OTOGL: variants seen among roughly 807,000 people sequenced by gnomAD.
The protein encoded by OTOGL is otogelin like, also known as otogelin-like protein.
A neutral mutation model predicts 318.5 loss-of-function variants in OTOGL; 285 were observed. The observed-to-expected ratio is 0.89, with a 90% CI of 0.81 to 0.99. The LOEUF (loss-of-function observed/expected upper bound fraction) is 0.99. OTOGL is among the 50% of genes least tolerant of loss of function. The pLI is 0.00. For synonymous variants in OTOGL, 987 were observed against 936.5 expected (o/e 1.05, Z -0.99); for missense variants, 2,899 against 2,845.6 (o/e 1.02, Z -0.43).
chr12:80,327,978 AAAAAAAAGAGT>A, intron 35 of OTOGL, among the ~76,000 whole-genome samples: 1 of 125,406 alleles, frequency 8.0e-6, no homozygotes, highest in Non-Finnish European at 1.7e-5. Flanking sequence ...AAAAAAAAAA[AAAAAAAAGAGT>A]GGAAAGCAAC....
chr12:80,108,936 G>GTGTATATATATATATATA (rs1555268621), intron 1 of OTOGL, among the ~76,000 whole-genome samples: 5 of 128,228 alleles, frequency 3.9e-5, no homozygotes, highest in African/African-American at 1.6e-4. Context: ...ATATGTGTGT[G>GTGTATATATATATATATA]TATATATATA....
chr12:80,136,535 C>T (rs1202892434), intron 1 of OTOGL, among the ~76,000 whole-genome samples: 2 of 152,182 alleles, frequency 1.3e-5, no homozygotes, highest in Non-Finnish European at 2.9e-5. Flanking sequence ...TTGTACTACT[C>T]TGTTTCTAGT....
chr12:80,366,476 G>GTA (rs1444753197), intron 52 of OTOGL, 98 bp from the exon 53 acceptor site: 82 of 234,638 alleles, frequency 3.5e-4, no homozygotes, highest in Middle Eastern at 5.7e-4. Context: ...GTGTGTGTGT[G>GTA]TATATATATA....
chr12:80,321,976 C>T (rs551489777), intron 34 of OTOGL, among the ~76,000 whole-genome samples: 180 of 152,298 alleles, frequency 1.2e-3, no homozygotes, highest in Non-Finnish European at 2.1e-3. Context: ...ACCCTGAAAG[C>T]ACTCTGCCCT....
chr12:80,136,580 G>A (rs974709938), intron 1 of OTOGL, among the ~76,000 whole-genome samples: 49 of 152,206 alleles, frequency 3.2e-4, no homozygotes, highest in African/African-American at 1.2e-3. Flanking sequence ...TTCTTTGCTG[G>A]TTTTCAAACC....
intron 16 of OTOGL, 52 bp from the exon 17 acceptor site, chr12:80,256,285 A>G (rs1565933839): frequency 3.2e-6 from 5 of 1,538,566 alleles, no homozygotes; most frequent in East Asian, 4.5e-5. Context: ...GTCTCTTTCT[A>G]TGGCTCTCTC....
At chr12:80,206,330 T>C (rs1876806028) in intron 1 of OTOGL, among the ~76,000 whole-genome samples, 1 of 152,190 alleles carries the variant, frequency 6.6e-6, no homozygotes, top group Non-Finnish European at 1.5e-5. Flanking sequence ...ATAATGTAGT[T>C]AGTTGAAAAA....
In OTOGL at chr12:80,302,826, C is replaced by A; in HGVS notation, c.3213+43C>A. 5 of 1,377,084 alleles carry A rather than the reference C, an allele frequency of 3.6e-6. No homozygotes were observed. In the South Asian group the frequency reaches 5.0e-5, roughly 14 times the overall value. 85.3% of individuals were successfully genotyped at this position (1,377,084 alleles called of 1,614,324 possible). On this transcript the variant is annotated intron_variant, in intron 28 of 58. Coordinates refer to ENST00000547103, the MANE Select transcript of OTOGL (RefSeq NM_001378609.3). ...CCAAATGAGATGTAATGAATAAAAT[C>A]ACATTTAGTTTTTGATGTTTGATGA... is the stretch of plus-strand genomic sequence containing the variant.
At chr12:80,108,523 TC>T (rs1449340187) in intron 1 of OTOGL, among the ~76,000 whole-genome samples, 2 of 151,670 alleles carry the variant, frequency 1.3e-5, no homozygotes, top group African/African-American at 4.8e-5. Flanking sequence ...TACTTTTTTT[TC>T]TCTTTGCAAT....
chr12:80,356,049 G>T, intron 47 of OTOGL, 101 bp downstream of exon 47: 2 of 1,298,586 alleles, frequency 1.5e-6, no homozygotes, highest in Non-Finnish European at 2.1e-6. Context: ...TTTTAAAAAA[G>T]GGCCATAAAT....
chr12:80,101,354 T>C (rs572078588), intron 1 of OTOGL, among the ~76,000 whole-genome samples: 41 of 152,182 alleles, frequency 2.7e-4, no homozygotes, highest in African/African-American at 9.6e-4. Context: ...TTAAATGCTC[T>C]TAATATTTGA....
Position 80,283,283 on chromosome 12 carries a change from A to G in OTOGL, c.2928+4117A>G, listed in dbSNP as rs541746599. ...ACTACAGTGACTTCCAATGGCCTCC[A>G]GTGGCTTCCAATAGCGTCATAAAGT... On this transcript the variant is annotated intron_variant, in intron 26 of 58. Coordinates refer to ENST00000547103, the MANE Select transcript of OTOGL (RefSeq NM_001378609.3). 5.3e-5 allele frequency among the ~76,000 whole-genome samples: 8 copies of G among 152,098 alleles called. No homozygotes were observed. In the South Asian group the frequency reaches 1.7e-3, roughly 32 times the overall value.
chr12:80,108,326 CAATTAT>C (rs1415309859), intron 1 of OTOGL, among the ~76,000 whole-genome samples: 1 of 151,822 alleles, frequency 6.6e-6, no homozygotes, highest in African/African-American at 2.4e-5. Flanking sequence ...ATAATTATAA[CAATTAT>C]AATTCTGAAT....
intron 29 of OTOGL, among the ~76,000 whole-genome samples, chr12:80,308,625 G>A (rs1468320115): frequency 2.0e-5 from 3 of 152,290 alleles, no homozygotes; most frequent in East Asian, 3.9e-4. Flanking sequence ...CTGCTGGGAG[G>A]TGGAGGTTGT....
intron 24 of OTOGL, among the ~76,000 whole-genome samples, chr12:80,275,667 G>A (rs1002798178): frequency 6.6e-6 from 1 of 151,698 alleles, no homozygotes; most frequent in African/African-American, 2.4e-5. Context: ...TTTGTGAAAG[G>A]GGGAGTCAAT....
intron 1 of OTOGL, among the ~76,000 whole-genome samples, chr12:80,147,672 G>A (rs1042069656): frequency 6.6e-5 from 10 of 152,020 alleles, no homozygotes; most frequent in East Asian, 1.9e-4. Context: ...GTCTCCCATT[G>A]TTAATGTGTG....
intron 1 of OTOGL, among the ~76,000 whole-genome samples, chr12:80,114,492 G>A (rs989443341): frequency 5.4e-4 from 82 of 152,204 alleles, no homozygotes; most frequent in African/African-American, 1.9e-3. Flanking sequence ...GCATTAGTCT[G>A]ATGGGCTTCC....
At chr12:80,256,521 C>CAAACAAACA in intron 17 of OTOGL, 61 bp downstream of exon 17, 2 of 1,511,398 alleles carry the variant, frequency 1.3e-6, no homozygotes, top group African/African-American at 1.4e-5. Flanking sequence ...AACAAACAAA[C>CAAACAAACA]AACACACGCA....
chr12:80,159,012 T>A (rs933817143), intron 1 of OTOGL, among the ~76,000 whole-genome samples: 2 of 152,180 alleles, frequency 1.3e-5, no homozygotes, highest in South Asian at 4.1e-4. Context: ...GTCTCTTTTA[T>A]GCTGATTTTG....
Sources: gnomAD v4.1 joint callset for allele counts (sites outside exome capture counted in the v4.1 genomes callset) on GRCh38, gnomAD v4.1.1 for gene constraint, MANE v1.5 for transcripts, NCBI Gene and HGNC (gene_info 2026-07-23, HGNC 2026-07-21) for gene names.